TLK1: variants seen among roughly 807,000 people sequenced by gnomAD.
TLK1 encodes the protein serine/threonine-protein kinase tousled-like 1.
Under a neutral mutation model 105.3 loss-of-function variants are expected in TLK1, and 24 were observed. The observed-to-expected ratio is 0.23, with a 90% CI of 0.17 to 0.32. TLK1 has a LOEUF of 0.32. Ranked by LOEUF, TLK1 falls within the 10% of genes least tolerant of loss-of-function variation. The pLI is 1.00. For missense variants in TLK1, 558 were observed against 910.5 expected (o/e 0.61, Z 4.98); for synonymous variants, 321 against 310.4 (o/e 1.03, Z -0.36).
chr2:171,095,519 T>C (rs1015927020), intron 2 of TLK1, among the ~76,000 whole-genome samples: 7 of 152,114 alleles, frequency 4.6e-5, no homozygotes, highest in African/African-American at 1.7e-4. Context: ...TAAGATGATA[T>C]GGACAAATTC....
chr2:171,115,385 C>T (rs1286839111), intron 2 of TLK1, among the ~76,000 whole-genome samples: 1 of 151,942 alleles, frequency 6.6e-6, no homozygotes, highest in African/African-American at 2.4e-5. Context: ...CATGTTGAGG[C>T]TGGTCTTGAA....
rs1693260230 is a variant in TLK1, at chr2:171,195,684, G to GGAGAT, written c.-6+35460_-6+35461insATCTC. 2.6e-5 allele frequency among the ~76,000 whole-genome samples: 4 copies of GGAGAT among 152,000 alleles called. No individual in the cohort carries two copies. In the South Asian group the frequency reaches 6.2e-4, roughly 24 times the overall value. On this transcript the variant is annotated intron_variant, in intron 1 of 20. Transcript: ENST00000521943. ...ATATTGTCTTCTTACATCTCATTTT[G>GGAGAT]GTGGAGCATGTGGATAAACACCTAA...
At chr2:171,139,512 TGA>T (rs1691479724) in intron 1 of TLK1, among the ~76,000 whole-genome samples, 6 of 152,084 alleles carry the variant, frequency 3.9e-5, no homozygotes, top group Admixed American at 3.9e-4. Flanking sequence ...GAGAATCGCT[TGA>T]ATCTGGGAGG....
intron 3 of TLK1, among the ~76,000 whole-genome samples, chr2:171,082,431 A>G (rs1688796726): frequency 6.6e-6 from 1 of 152,220 alleles, no homozygotes; most frequent in African/African-American, 2.4e-5. Flanking sequence ...TCAAACTAAA[A>G]GGAAAGAATA....
intron 1 of TLK1, among the ~76,000 whole-genome samples, chr2:171,207,883 G>A (rs879365678): frequency 1.3e-5 from 2 of 151,956 alleles, no homozygotes; most frequent in East Asian, 1.9e-4. Context: ...CTGCCACCAC[G>A]GCCAACTAAT....
At chr2:171,001,063 T>C (rs1282718051) in intron 18 of TLK1, among the ~76,000 whole-genome samples, 2 of 152,218 alleles carry the variant, frequency 1.3e-5, no homozygotes, top group Admixed American at 6.5e-5. Context: ...TGACTGCCTC[T>C]GTCATAAATC....
intron 11 of TLK1, among the ~76,000 whole-genome samples, chr2:171,029,325 C>T (rs912276893): frequency 2.6e-5 from 4 of 152,096 alleles, no homozygotes; most frequent in Non-Finnish European, 4.4e-5. Flanking sequence ...AATGCTAAAA[C>T]TTTAGTCAAA....
intron 20 of TLK1, among the ~76,000 whole-genome samples, 160 bp downstream of exon 20, chr2:170,996,493 G>GCC (rs1320954897): frequency 6.6e-6 from 1 of 152,200 alleles, no homozygotes; most frequent in Non-Finnish European, 1.5e-5. Flanking sequence ...AGAGGCTGAT[G>GCC]CAACTCCTTC....
intron 1 of TLK1, among the ~76,000 whole-genome samples, chr2:171,197,714 A>T (rs144746507): frequency 6.6e-6 from 1 of 152,192 alleles, no homozygotes; most frequent in East Asian, 1.9e-4. Context: ...GGGAGGCAGA[A>T]GTTGTAGGGA....
At chr2:171,097,868 T>G (rs1233041284) in intron 2 of TLK1, among the ~76,000 whole-genome samples, 1 of 149,596 alleles carries the variant, frequency 6.7e-6, no homozygotes, top group African/African-American at 2.5e-5. Context: ...GAGGCTGCAG[T>G]GAGCCAAGAT....
chr2:171,019,287 T>C lies in TLK1; in HGVS notation c.1237-4339A>G, dbSNP rs1324403439. ...AAGCCAAATGTAGGCTGTAGCAATG[T>C]AGAATTTCTGTAAAATTCCAGGTTA... On this transcript the variant is annotated intron_variant, in intron 12 of 20. Transcript: ENST00000431350. Among the ~76,000 whole-genome samples the C allele has an allele frequency of 3.3e-5, 5 of 152,346 alleles. No individual in the cohort carries two copies. The East Asian group carries it at 7.7e-4, about 23-fold the overall frequency.
chr2:171,011,741 G>C (rs1033749973), intron 13 of TLK1, among the ~76,000 whole-genome samples: 2 of 152,074 alleles, frequency 1.3e-5, no homozygotes, highest in Non-Finnish European at 2.9e-5. Context: ...GCATTGCCAA[G>C]AGCTTCATAA....
chr2:171,006,767 T>G (rs1684671251), intron 16 of TLK1, 33 bp downstream of exon 16: 1 of 1,599,468 alleles, frequency 6.3e-7, no homozygotes, highest in Non-Finnish European at 8.6e-7. Flanking sequence ...AAGCATATCT[T>G]TCCTTAAAAA....
chr2:171,054,986 AT>A, intron 7 of TLK1, 96 bp downstream of exon 7: 3 of 613,512 alleles, frequency 4.9e-6, no homozygotes, highest in Non-Finnish European at 7.6e-6. Flanking sequence ...ATTCTGCTTT[AT>A]GACTACATAT....
At chr2:171,057,929 T>C (rs1400146574) in intron 5 of TLK1, among the ~76,000 whole-genome samples, 1 of 152,042 alleles carries the variant, frequency 6.6e-6, no homozygotes, top group African/African-American at 2.4e-5. Context: ...ATCTTACAGG[T>C]TATTATAAAC....
intron 1 of TLK1, among the ~76,000 whole-genome samples, chr2:171,131,951 T>C (rs1691121966): frequency 6.6e-6 from 1 of 152,190 alleles, no homozygotes. Context: ...GTTCATCACA[T>C]GATATATTTA....
At chr2:171,204,894 G>C (rs994482315) in intron 1 of TLK1, among the ~76,000 whole-genome samples, 1 of 151,802 alleles carries the variant, frequency 6.6e-6, no homozygotes, top group African/African-American at 2.4e-5. Context: ...GGATTCGGAG[G>C]TTGCGGTCAG....
At chr2:171,013,637 G>A (rs1460215962) in intron 13 of TLK1, among the ~76,000 whole-genome samples, 2 of 151,984 alleles carry the variant, frequency 1.3e-5, no homozygotes, top group African/African-American at 4.8e-5. Context: ...CATAATTTAG[G>A]TTATTCCATA....
intron 3 of TLK1, among the ~76,000 whole-genome samples, chr2:171,075,035 A>C (rs1360944755): frequency 6.6e-6 from 1 of 152,056 alleles, no homozygotes; most frequent in Non-Finnish European, 1.5e-5. Flanking sequence ...AAAAAAAAAA[A>C]GATTTCTCCA....
Sources: gnomAD v4.1 joint callset for allele counts (sites outside exome capture counted in the v4.1 genomes callset) on GRCh38, gnomAD v4.1.1 for gene constraint, MANE v1.5 for transcripts, NCBI Gene and HGNC (gene_info 2026-07-23, HGNC 2026-07-21) for gene names.